GAREM1: variants seen among roughly 807,000 people sequenced by gnomAD.
The protein encoded by GAREM1 is GRB2-associated and regulator of MAPK protein 1.
Under a neutral mutation model 71.3 loss-of-function variants are expected in GAREM1, and 26 were observed. The ratio of observed to expected loss-of-function variants is 0.36; its 90% confidence interval spans 0.27 to 0.51. The LOEUF is 0.51. Among genes scored for constraint, GAREM1 ranks in the 20% least tolerant of loss-of-function variants. GAREM1 has a pLI of 0.95. For missense variants in GAREM1, 1,026 were observed against 1,103.1 expected (o/e 0.93, Z 0.99); for synonymous variants, 440 against 433.2 (o/e 1.02, Z -0.20).
intron 2 of GAREM1, among the ~76,000 whole-genome samples, chr18:32,380,474 TAAAAAAAAAAA>T (rs35881689): frequency 2.2e-5 from 2 of 92,470 alleles, no homozygotes; most frequent in African/African-American, 8.8e-5. Context: ...AGACTTCATT[TAAAAAAAAAAA>T]AAAAAAAAAA....
intron 3 of GAREM1, among the ~76,000 whole-genome samples, chr18:32,301,197 G>A (rs556596115): frequency 2.0e-5 from 3 of 152,140 alleles, no homozygotes; most frequent in East Asian, 1.9e-4. Context: ...TAGTCATGTC[G>A]GTGTATCTTT....
chr18:32,470,489 C>T lies in GAREM1; in HGVS notation c.-61G>A. ...GCCGCCACCGGCACCACCCGCGCCTCGGCGGCCGCCGCTGCTCGCGCTCGC... is the reference window on the plus strand; with the variant it reads ...GCCGCCACCGGCACCACCCGCGCCTTGGCGGCCGCCGCTGCTCGCGCTCGC... On this transcript the variant is annotated 5_prime_UTR_variant, in exon 1 of 6. Coordinates refer to ENST00000269209, the MANE Select transcript of GAREM1 (RefSeq NM_001242409.2). This position sits in a 1 kb window ranked among gnomAD's most constrained non-coding sequence, Gnocchi z 4.4. The T allele has an allele frequency of 1.7e-6, 2 of 1,166,998 alleles. No homozygotes were observed. Among genetic ancestry groups the T allele is most frequent in the Non-Finnish European group, 2.1e-6 (2 of 938,810 alleles). 72.3% of individuals were successfully genotyped at this position (1,166,998 alleles called of 1,614,324 possible). A position where few individuals can be genotyped will look rare whatever the true frequency, so the allele number is the denominator to read the frequency against.
Position 32,287,735 on chromosome 18 carries a change from G to A in GAREM1, c.862C>T (p.Arg288Trp), listed in dbSNP as rs746740685. The A allele has an allele frequency of 6.2e-6, 10 of 1,613,928 alleles. No homozygotes were observed. The highest frequency in any genetic ancestry group is 8.5e-6 in the Non-Finnish European group (10 of 1,179,998). The change falls in exon 4 of 6, where the codon CGG becomes TGG. Residue 288 changes from arginine to tryptophan, a missense_variant. Physicochemically the swap from Arg to Trp is moderately radical, Grantham distance 101 (BLOSUM62 -3). Around this residue, in one of 3 missense-constraint regions of GAREM1, gnomAD observed 218 missense variants for 296.8 expected, o/e 0.73. Coordinates refer to ENST00000269209, the MANE Select transcript of GAREM1 (RefSeq NM_001242409.2). This position sits in a 1 kb window ranked among gnomAD's most constrained non-coding sequence, Gnocchi z 5.9. ...TGCATGGGGAGGATCTTGTTGTTCC[G>A]CAGCACACAGCAAACCACCACCGTC... ...TKTVVVCCVL[R>W]NNKILPMHFP... is the part of the protein sequence containing the mutation.
chr18:32,436,191 G>A (rs1272662712), intron 1 of GAREM1, among the ~76,000 whole-genome samples: 3 of 152,166 alleles, frequency 2.0e-5, no homozygotes, highest in African/African-American at 7.2e-5. Flanking sequence ...GGTTTTAGAT[G>A]AGCGCTCTCC....
intron 1 of GAREM1, among the ~76,000 whole-genome samples, chr18:32,467,835 G>A (rs1032795658): frequency 3.3e-5 from 5 of 152,034 alleles, no homozygotes; most frequent in African/African-American, 1.2e-4. Flanking sequence ...CACAGGATGA[G>A]GACAACACAA....
intron 2 of GAREM1, among the ~76,000 whole-genome samples, chr18:32,388,999 C>T (rs921868290): frequency 6.6e-6 from 1 of 152,118 alleles, no homozygotes; most frequent in African/African-American, 2.4e-5. Context: ...ATGCTGTCTA[C>T]TCTCAAATAA....
intron 2 of GAREM1, among the ~76,000 whole-genome samples, chr18:32,329,294 C>T (rs1567966319): frequency 6.6e-6 from 1 of 151,850 alleles, no homozygotes; most frequent in Non-Finnish European, 1.5e-5. Flanking sequence ...GAAGGTCACT[C>T]GAGCCCAGGA....
chr18:32,287,115 A>T lies in GAREM1; in HGVS notation c.1482T>A (p.Leu494=), dbSNP rs2047027388. 6.2e-7 allele frequency: 1 copy of T among 1,614,096 alleles called. No individual in the cohort carries two copies. Among genetic ancestry groups the T allele is most frequent in the Admixed American group, 1.7e-5 (1 of 60,008 alleles). Residue 494 remains leucine (L), a synonymous_variant, in exon 4 of 6, where the codon CTT becomes CTA. Transcript: ENST00000269209. The surrounding 1 kb of genome is among the most constrained non-coding windows in gnomAD (Gnocchi z 5.9). ...SVRSKCATSP[L]PIPGTLGAAV... ...CTGCTCCCAGAGTCCCAGGGATGGG[A>T]AGAGGAGAAGTCGCACATTTGGATC...
At chr18:32,460,153 T>G (rs921161490) in intron 1 of GAREM1, among the ~76,000 whole-genome samples, 1 of 151,352 alleles carries the variant, frequency 6.6e-6, no homozygotes. Context: ...CAAAGAACTT[T>G]TCCTCTACTA....
intron 3 of GAREM1, among the ~76,000 whole-genome samples, chr18:32,292,639 G>GCTT (rs1432269588): frequency 6.6e-6 from 1 of 152,132 alleles, no homozygotes; most frequent in Admixed American, 6.5e-5. Flanking sequence ...TTTATAAGGG[G>GCTT]CTTCCCACAT....
intron 2 of GAREM1, among the ~76,000 whole-genome samples, chr18:32,328,922 T>C (rs2047499067): frequency 1.3e-5 from 2 of 152,104 alleles, no homozygotes; most frequent in Admixed American, 6.6e-5. Context: ...GATGATAAAA[T>C]TATTCAGTGA....
intron 2 of GAREM1, among the ~76,000 whole-genome samples, chr18:32,336,736 C>T (rs2047599601): frequency 6.6e-6 from 1 of 152,186 alleles, no homozygotes; most frequent in African/African-American, 2.4e-5. Context: ...TCATAAACAG[C>T]CACTGAACTT....
At chr18:32,453,226 A>C (rs2048857474) in intron 1 of GAREM1, among the ~76,000 whole-genome samples, 1 of 152,108 alleles carries the variant, frequency 6.6e-6, no homozygotes, top group Non-Finnish European at 1.5e-5. Context: ...TACCATGAGA[A>C]CAGTACAGGG....
intron 2 of GAREM1, among the ~76,000 whole-genome samples, chr18:32,364,026 A>ATATATATATATTTTT (rs1336753011): frequency 8.6e-5 from 4 of 46,400 alleles, no homozygotes; most frequent in African/African-American, 3.3e-4. Flanking sequence ...ATATATATAT[A>ATATATATATATTTTT]TGTTTTTTTT....
chr18:32,364,012 ATATATATATATATATGTTTTTTTT>A (rs2047897586), intron 2 of GAREM1, among the ~76,000 whole-genome samples: 1 of 51,436 alleles, frequency 1.9e-5, no homozygotes, highest in African/African-American at 1.1e-4. Context: ...ATATATATAT[ATATATATATATATATGTTTTTTTT>A]TTTTTTTTTT....
intron 4 of GAREM1, among the ~76,000 whole-genome samples, chr18:32,271,642 C>T (rs903024687): frequency 6.6e-6 from 1 of 152,182 alleles, no homozygotes; most frequent in African/African-American, 2.4e-5. Context: ...CACACACTGA[C>T]AAGGCTGCAG....
At chr18:32,399,704 T>C (rs1346370628) in intron 1 of GAREM1, among the ~76,000 whole-genome samples, 1 of 152,212 alleles carries the variant, frequency 6.6e-6, no homozygotes, top group African/African-American at 2.4e-5. Flanking sequence ...CATTCCATGC[T>C]CATGGATAGG....
At chr18:32,411,333 G>A (rs769712842) in intron 1 of GAREM1, among the ~76,000 whole-genome samples, 4 of 152,166 alleles carry the variant, frequency 2.6e-5, no homozygotes, top group South Asian at 2.1e-4. Context: ...CAAGTCAAAC[G>A]TTAGGGATTT....
At chr18:32,378,057 T>TGTGTGTGCGC (rs1293817110) in intron 2 of GAREM1, among the ~76,000 whole-genome samples, 76 of 127,612 alleles carry the variant, frequency 6.0e-4, no homozygotes, top group African/African-American at 1.6e-3. Context: ...TGTGTGTGTG[T>TGTGTGTGCGC]GCGCGCGGGC....
Sources: gnomAD v4.1 joint callset for allele counts (sites outside exome capture counted in the v4.1 genomes callset) on GRCh38, gnomAD v4.1.1 for gene constraint, gnomAD v4.1.1 regional missense constraint, Gnocchi (gnomAD v3.1) non-coding constraint, MANE v1.5 for transcripts, NCBI Gene and HGNC (gene_info 2026-07-23, HGNC 2026-07-21) for gene names.